The following LONP2 variants were observed in gnomAD, a reference collection of about 807,000 sequenced individuals.
The protein encoded by LONP2 is lon peptidase 2, peroxisomal.
Under a neutral mutation model 85.6 loss-of-function variants are expected in LONP2, and 60 were observed. The observed-to-expected ratio is 0.70, with a 90% CI of 0.57 to 0.87. LONP2 has a LOEUF of 0.87. Among genes scored for constraint, LONP2 ranks in the 40% least tolerant of loss-of-function variants. The pLI is 0.00. For missense variants in LONP2, 860 were observed against 1,063.5 expected, an observed-to-expected ratio of 0.81 and a Z score of 2.66; for synonymous variants, 395 against 389.7, an observed-to-expected ratio of 1.01 and a Z score of -0.16.
In LONP2 at chr16:48,353,496, CAAAAA is replaced by C. The variant is rs11331502; in HGVS notation, c.*1711_*1715del. 3.0e-4 allele frequency: 20 copies of C among 67,122 alleles called. No individual in the cohort carries two copies. Among genetic ancestry groups the C allele is most frequent in the African/African-American group, 5.5e-4 (10 of 18,032 alleles). The allele number at this position is 67,122 out of a possible 1,614,324, so 4.2% of individuals were successfully genotyped here. On this transcript the variant is annotated 3_prime_UTR_variant, in exon 15 of 15. Coordinates refer to ENST00000285737, the MANE Select transcript of LONP2 (RefSeq NM_031490.5). ...TGGGCGACAGAGTGAGACCCTGTCT[CAAAAA>C]AAAAAAAAAAAAAAAAGATTGGGCC...
At position 48,270,282 on chromosome 16, in the gene LONP2, A is replaced by G. The variant is rs1972076641; in HGVS notation, c.1241+8A>G. 6.2e-7 allele frequency: 1 copy of G among 1,612,222 alleles called. No individual in the cohort carries two copies. The highest frequency in any genetic ancestry group is 1.3e-5 in the African/African-American group (1 of 74,984). On this transcript the variant is annotated splice_region_variant and intron_variant, in intron 7 of 14. Coordinates refer to ENST00000285737, the MANE Select transcript of LONP2 (RefSeq NM_031490.5). Reference sequence around the variant, plus strand: ...TGACATTCGAGGACACAGGTAGAACACTTCTCTCAGTTTAATCTCTGATTC... The same window carrying G: ...TGACATTCGAGGACACAGGTAGAACGCTTCTCTCAGTTTAATCTCTGATTC...
chr16:48,304,590 G>A (rs575991557), intron 11 of LONP2, among the ~76,000 whole-genome samples: 2 of 152,248 alleles, frequency 1.3e-5, no homozygotes, highest in East Asian at 3.9e-4. Context: ...TGTAGTCCCC[G>A]CTACTCTGGA....
intron 8 of LONP2, among the ~76,000 whole-genome samples, chr16:48,279,345 T>G (rs906859145): frequency 6.6e-6 from 1 of 152,094 alleles, no homozygotes; most frequent in South Asian, 2.1e-4. Context: ...CAGCTGGCTG[T>G]GCTGTTTGGT....
In LONP2 at chr16:48,293,914, C is replaced by T. The variant is rs1972612497; in HGVS notation, c.1384-2101C>T. Reference sequence around the variant, plus strand: ...ACTATTTTCCATACATAAACATTTTCCGTACCTAAACAGTTTGTTTGTTCA... The same window carrying T: ...ACTATTTTCCATACATAAACATTTTTCGTACCTAAACAGTTTGTTTGTTCA... On this transcript the variant is annotated intron_variant, in intron 8 of 14. Coordinates refer to ENST00000285737, the MANE Select transcript of LONP2 (RefSeq NM_031490.5). Among the ~76,000 whole-genome samples, 3 of 152,236 alleles carry T rather than the reference C, an allele frequency of 2.0e-5. No homozygotes were observed. The South Asian group carries it at 6.2e-4, about 32-fold the overall frequency.
chr16:48,308,972 C>A (rs1302222458), intron 11 of LONP2, among the ~76,000 whole-genome samples: 1 of 152,030 alleles, frequency 6.6e-6, no homozygotes, highest in African/African-American at 2.4e-5. Flanking sequence ...CCCCAAATAA[C>A]CCCATTAAAA....
chr16:48,313,036 G>C (rs977456573), intron 11 of LONP2, among the ~76,000 whole-genome samples: 1 of 152,180 alleles, frequency 6.6e-6, no homozygotes, highest in Non-Finnish European at 1.5e-5. Flanking sequence ...ATTGTTTCAA[G>C]AATTACTTTA....
intron 6 of LONP2, among the ~76,000 whole-genome samples, chr16:48,263,915 C>A (rs1251089701): frequency 6.6e-6 from 1 of 152,226 alleles, no homozygotes; most frequent in South Asian, 2.1e-4. Flanking sequence ...AGCTGGGTGT[C>A]TGGGGGAGAC....
At chr16:48,297,218 G>C (rs1293421614) in intron 9 of LONP2, among the ~76,000 whole-genome samples, 1 of 152,120 alleles carries the variant, frequency 6.6e-6, no homozygotes, top group Non-Finnish European at 1.5e-5. Flanking sequence ...GTCTGGCCTC[G>C]AACTCCTGGC....
At chr16:48,315,254 G>C (rs1009913037) in intron 11 of LONP2, among the ~76,000 whole-genome samples, 1 of 152,214 alleles carries the variant, frequency 6.6e-6, no homozygotes, top group East Asian at 1.9e-4. Flanking sequence ...TTTGTTAACA[G>C]ACATGTCAGA....
chr16:48,282,612 T>C (rs1972354817), intron 8 of LONP2, among the ~76,000 whole-genome samples: 1 of 152,154 alleles, frequency 6.6e-6, no homozygotes, highest in African/African-American at 2.4e-5. Context: ...TGTGATTGTT[T>C]TGGGGCACCA....
At chr16:48,295,197 C>A (rs138319952) in intron 8 of LONP2, among the ~76,000 whole-genome samples, 1 of 152,118 alleles carries the variant, frequency 6.6e-6, no homozygotes, top group Non-Finnish European at 1.5e-5. Flanking sequence ...CATGGTGAAA[C>A]CCCATCTCTA....
intron 8 of LONP2, among the ~76,000 whole-genome samples, chr16:48,289,208 C>T (rs1389516848): frequency 1.3e-5 from 2 of 152,066 alleles, no homozygotes; most frequent in African/African-American, 4.8e-5. Context: ...GTATATTTGG[C>T]CAAGGTTGAG....
intron 11 of LONP2, among the ~76,000 whole-genome samples, chr16:48,330,463 T>A (rs1307485519): frequency 2.0e-5 from 3 of 152,246 alleles, no homozygotes; most frequent in African/African-American, 7.2e-5. Context: ...GTGCTGGTCC[T>A]TTCTGACAGA....
Position 48,270,041 on chromosome 16 carries a change from G to A in LONP2, c.1008G>A (p.Arg336=). The change falls in exon 7 of 15, where the codon CGG becomes CGA. Residue 336 remains arginine, a synonymous_variant. Transcript: ENST00000285737. ...ACCGCCTGGACATTAGGGCAGCCCG[G>A]ATTCTTCTGGATAATGACCATTACG... is the stretch of plus-strand genomic sequence containing the variant. The part of the protein sequence containing the change: ...TTDRLDIRAA[R]ILLDNDHYAM... 20 of 1,613,944 alleles carry A rather than the reference G, an allele frequency of 1.2e-5. No individual in the cohort carries two copies. The highest frequency in any genetic ancestry group is 1.5e-5 in the Non-Finnish European group (18 of 1,179,916).
rs1185168770 is a variant in LONP2 at position 48,354,224 on chromosome 16, T to G, written c.*2422T>G. On this transcript the variant is annotated 3_prime_UTR_variant, in exon 15 of 15. Transcript: ENST00000285737. ...TTTTTTTTTTTTTTTTTTTTTTTTT[T>G]TGAGATGGAGTCTTGCTCTGTTACC... The G allele has an allele frequency of 9.8e-5, 13 of 132,832 alleles. No individual in the cohort carries two copies. Among genetic ancestry groups the G allele is most frequent in the African/African-American group, 2.6e-4 (8 of 31,204 alleles). The allele number at this position is 132,832 out of a possible 1,614,324, so 8.2% of individuals were successfully genotyped here. A position where few individuals can be genotyped will look rare whatever the true frequency, so the allele number is the denominator to read the frequency against.
chr16:48,248,493 G>T (rs1971526684), intron 1 of LONP2, among the ~76,000 whole-genome samples: 3 of 152,020 alleles, frequency 2.0e-5, no homozygotes, highest in African/African-American at 7.2e-5. Context: ...ATGGGGTGAA[G>T]GGAGGTATAA....
At chr16:48,339,966 G>A (rs1959768383) in intron 12 of LONP2, among the ~76,000 whole-genome samples, 1 of 152,136 alleles carries the variant, frequency 6.6e-6, no homozygotes. Context: ...CCTGGAAGAG[G>A]GTGGCTGAGT....
rs1344347052 is a variant in LONP2, at chr16:48,357,230, G to A, written c.*5428G>A. 2 of 152,214 alleles carry A rather than the reference G, an allele frequency of 1.3e-5. No homozygotes were observed. The highest frequency in any genetic ancestry group is 2.4e-5 in the African/African-American group (1 of 41,448). 9.4% of individuals were successfully genotyped at this position (152,214 alleles called of 1,614,324 possible). ...AAAACTGGTAGATACAGAGTCAGAA[G>A]TCAACCCAGGCAGTTAGAATCTACA... On this transcript the variant is annotated 3_prime_UTR_variant, in exon 15 of 15. Transcript: ENST00000285737.
rs1170606187 is a variant in LONP2 at position 48,351,696 on chromosome 16, A to C, written c.2453A>C (p.Asp818Ala). Residue 818 changes from aspartate to alanine, a missense_variant, in exon 15 of 15, where the codon GAT becomes GCT. By Grantham distance (126) the Asp-to-Ala change is moderately radical. Around this residue, in one of 3 missense-constraint regions of LONP2, gnomAD observed 115 missense variants for 129.0 expected, o/e 0.89. Coordinates refer to ENST00000285737, the MANE Select transcript of LONP2 (RefSeq NM_031490.5). ...GGAATCCCAGGCAACGTACGACAGG[A>C]TTTAAGTTTTGTCACAGCAAGCTGC... ...LEGIPGNVRQ[D>A]LSFVTASCLD... 1 of 1,614,234 alleles carries C rather than the reference A, an allele frequency of 6.2e-7. No individual in the cohort carries two copies. Among genetic ancestry groups the C allele is most frequent in the Admixed American group, 1.7e-5 (1 of 60,020 alleles).
Sources: allele counts gnomAD v4.1 joint callset (sites outside exome capture counted in the v4.1 genomes callset), GRCh38; gene constraint gnomAD v4.1.1; regional missense constraint gnomAD v4.1.1; transcripts MANE v1.5; gene names NCBI Gene and HGNC (gene_info 2026-07-23, HGNC 2026-07-21).